Variants in SNX29 observed in about 807,000 individuals in gnomAD.
SNX29 encodes sorting nexin 29, also known as sorting nexin-29.
In SNX29, 78 loss-of-function variants were observed where a neutral mutation model predicts 102.1. That is an observed-to-expected ratio of 0.76 (90% CI 0.64 to 0.92). SNX29 has a LOEUF of 0.92. SNX29 is among the 40% of genes least tolerant of loss of function. The probability of loss-of-function intolerance (pLI) is 0.00; values close to 1 mark genes in which losing one functional copy is unlikely to be tolerated. For missense variants in SNX29, 1,280 were observed against 1,061.7 expected, an observed-to-expected ratio of 1.21 and a Z score of -2.86; for synonymous variants, 580 against 414.5, an observed-to-expected ratio of 1.40 and a Z score of -4.85.
intron 20 of SNX29, among the ~76,000 whole-genome samples, chr16:12,563,206 A>ATT (rs1555462154): frequency 1.7e-4 from 7 of 40,504 alleles, no homozygotes; most frequent in Non-Finnish European, 2.5e-4. Flanking sequence ...ACATGCTGGG[A>ATT]TTGAGGCTCA....
intron 18 of SNX29, among the ~76,000 whole-genome samples, chr16:12,465,899 T>C (rs753020894): frequency 1.3e-5 from 2 of 152,140 alleles, no homozygotes; most frequent in Non-Finnish European, 2.9e-5. Context: ...GATATTTCAC[T>C]TCCTTAGTTA....
chr16:12,181,972 C>G (rs1411532616), intron 13 of SNX29, among the ~76,000 whole-genome samples: 1 of 151,888 alleles, frequency 6.6e-6, no homozygotes, highest in Non-Finnish European at 1.5e-5. Flanking sequence ...CAACCTGTGC[C>G]TCTGGGGTTC....
rs894528207 is a variant in SNX29, at chr16:12,571,974, C to A, written c.*3345C>A. On this transcript the variant is annotated 3_prime_UTR_variant, in exon 21 of 21. Coordinates refer to ENST00000566228, the MANE Select transcript of SNX29 (RefSeq NM_032167.5). ...AGGCTCTTACAGTCTATGGTGGTAG[C>A]CATCTTCACATCCAGTCACCAGTTG... The A allele has an allele frequency of 2.8e-6, 3 of 1,061,498 alleles. No individual in the cohort carries two copies. The highest frequency in any genetic ancestry group is 3.4e-6 in the Non-Finnish European group (3 of 876,908). 65.8% of individuals were successfully genotyped at this position (1,061,498 alleles called of 1,614,324 possible).
At chr16:12,186,122 T>C (rs769605362) in intron 13 of SNX29, among the ~76,000 whole-genome samples, 1 of 152,246 alleles carries the variant, frequency 6.6e-6, no homozygotes, top group Non-Finnish European at 1.5e-5. Context: ...GTACCAGTTA[T>C]GAGCTATTCA....
chr16:12,181,328 A>G (rs573102541), intron 13 of SNX29, among the ~76,000 whole-genome samples: 24 of 152,374 alleles, frequency 1.6e-4, no homozygotes, highest in African/African-American at 5.3e-4. Context: ...CTAGGGAGAC[A>G]TGAGGCATCA....
At chr16:12,289,409 C>G (rs1017157150) in intron 15 of SNX29, among the ~76,000 whole-genome samples, 2 of 152,174 alleles carry the variant, frequency 1.3e-5, no homozygotes, top group African/African-American at 4.8e-5. Flanking sequence ...TGCTTGCGCC[C>G]CTAGCCTTCT....
chr16:12,276,774 CTTTA>C (rs1251590890), intron 14 of SNX29, among the ~76,000 whole-genome samples: 2 of 152,054 alleles, frequency 1.3e-5, no homozygotes, highest in Non-Finnish European at 2.9e-5. Context: ...CTCAGCTTTT[CTTTA>C]TTTGTTTTTC....
rs996840100 is a variant in SNX29, at chr16:12,571,458, A to G, written c.*2829A>G. ...GGAGATTTTCAAACAACATCTGAGA[A>G]CAGAAGCCCCCTCCCCTACTCAGAG... is the stretch of plus-strand genomic sequence containing the variant. On this transcript the variant is annotated 3_prime_UTR_variant, in exon 21 of 21. Coordinates refer to ENST00000566228, the MANE Select transcript of SNX29 (RefSeq NM_032167.5). 2 of 244,862 alleles carry G rather than the reference A, an allele frequency of 8.2e-6. No individual in the cohort carries two copies. Among genetic ancestry groups the G allele is most frequent in the African/African-American group, 2.2e-5 (1 of 45,424 alleles). The allele number at this position is 244,862 out of a possible 1,614,324, so 15.2% of individuals were successfully genotyped here. A position where few individuals can be genotyped will look rare whatever the true frequency, so the allele number is the denominator to read the frequency against.
At chr16:12,170,351 C>T (rs375877791) in intron 13 of SNX29, among the ~76,000 whole-genome samples, 3 of 151,746 alleles carry the variant, frequency 2.0e-5, no homozygotes, top group Non-Finnish European at 4.4e-5. Context: ...CTGGGGAGGC[C>T]GTGTAGCGTT....
intron 15 of SNX29, among the ~76,000 whole-genome samples, chr16:12,331,547 G>A (rs1163635519): frequency 6.6e-6 from 1 of 152,064 alleles, no homozygotes; most frequent in African/African-American, 2.4e-5. Flanking sequence ...CAGAAGACCT[G>A]TTCCAGAATT....
intron 14 of SNX29, among the ~76,000 whole-genome samples, chr16:12,211,824 C>T (rs1291411252): frequency 1.3e-5 from 2 of 152,152 alleles, no homozygotes; most frequent in African/African-American, 4.8e-5. Context: ...GGCCCACTCT[C>T]ATTATGGAAG....
At chr16:12,474,960 A>T (rs1481274443) in intron 18 of SNX29, among the ~76,000 whole-genome samples, 1 of 152,150 alleles carries the variant, frequency 6.6e-6, no homozygotes, top group Non-Finnish European at 1.5e-5. Flanking sequence ...TGAGCTGGTA[A>T]TTGCAAGTCC....
At chr16:12,554,452 C>G (rs906280711) in intron 20 of SNX29, among the ~76,000 whole-genome samples, 1 of 152,224 alleles carries the variant, frequency 6.6e-6, no homozygotes, top group East Asian at 1.9e-4. Flanking sequence ...ACCTGCCATG[C>G]CAGGTCCATG....
intron 11 of SNX29, among the ~76,000 whole-genome samples, chr16:12,108,148 A>AGG (rs2053344438): frequency 6.6e-6 from 1 of 152,202 alleles, no homozygotes; most frequent in Non-Finnish European, 1.5e-5. Flanking sequence ...CTTTTTGGAC[A>AGG]ATCTTTAGGG....
At chr16:12,521,319 C>G (rs2090091042) in intron 19 of SNX29, among the ~76,000 whole-genome samples, 1 of 152,006 alleles carries the variant, frequency 6.6e-6, no homozygotes, top group South Asian at 2.1e-4. Flanking sequence ...AGAGCAGAAC[C>G]TGGCTTAGGT....
chr16:12,445,285 A>C (rs1251307031), intron 18 of SNX29, among the ~76,000 whole-genome samples: 1 of 152,178 alleles, frequency 6.6e-6, no homozygotes, highest in Non-Finnish European at 1.5e-5. Context: ...ATTATCCACA[A>C]AGCCTAAAAC....
At chr16:12,001,612 TATACACATACACACACACAG>T (rs2056290451) in intron 2 of SNX29, among the ~76,000 whole-genome samples, 1 of 151,998 alleles carries the variant, frequency 6.6e-6, no homozygotes, top group Admixed American at 6.6e-5. Context: ...CACACACACA[TATACACATACACACACACAG>T]ATACACACAC....
intron 18 of SNX29, among the ~76,000 whole-genome samples, chr16:12,459,030 C>G (rs1409672323): frequency 6.7e-6 from 1 of 148,904 alleles, no homozygotes; most frequent in Admixed American, 6.7e-5. Flanking sequence ...TCCCTTCCTC[C>G]TCCTCCGCCC....
intron 20 of SNX29, among the ~76,000 whole-genome samples, chr16:12,561,853 G>A (rs1312272795): frequency 1.3e-5 from 2 of 152,162 alleles, no homozygotes; most frequent in East Asian, 3.9e-4. Flanking sequence ...GGGAGGCAGT[G>A]CCCTGGGGAC....
Sources: allele counts gnomAD v4.1 joint callset (sites outside exome capture counted in the v4.1 genomes callset), GRCh38; gene constraint gnomAD v4.1.1; transcripts MANE v1.5; gene names NCBI Gene and HGNC (gene_info 2026-07-23, HGNC 2026-07-21).